SEPTIN2: variants seen among roughly 807,000 people sequenced by gnomAD.
SEPTIN2 encodes the protein septin 2.
In SEPTIN2, 34 loss-of-function variants were observed where a neutral mutation model predicts 46.5. The ratio of observed to expected loss-of-function variants is 0.73; its 90% CI spans 0.56 to 0.97. The LOEUF is 0.97. Among genes scored for constraint, SEPTIN2 ranks in the 50% least tolerant of loss-of-function variants. The pLI, the probability that SEPTIN2 is intolerant of heterozygous loss-of-function variation, is 0.00. For missense variants in SEPTIN2, 347 were observed against 448.4 expected (o/e 0.77, Z 2.04); for synonymous variants, 175 against 153.4 (o/e 1.14, Z -1.04).
intron 2 of SEPTIN2, 39 bp downstream of exon 2, chr2:241,324,280 A>G (rs750543286): frequency 1.9e-6 from 3 of 1,569,526 alleles, no homozygotes; most frequent in East Asian, 2.2e-5. Flanking sequence ...ATAAGGAGAA[A>G]TTGCTTTATG....
At chr2:241,339,043 A>G (rs1252396652) in intron 7 of SEPTIN2, among the ~76,000 whole-genome samples, 1 of 130,316 alleles carries the variant, frequency 7.7e-6, no homozygotes, top group African/African-American at 2.9e-5. Flanking sequence ...CATATTATAT[A>G]TACATTTTTA....
intron 4 of SEPTIN2, 188 bp downstream of exon 4, chr2:241,335,400 T>C: frequency 6.6e-7 from 1 of 1,505,058 alleles, no homozygotes; most frequent in Non-Finnish European, 9.1e-7. Context: ...AGACTTTCTT[T>C]GACACGTATC....
intron 5 of SEPTIN2, chr2:241,336,846 A>G (rs1399110536): frequency 2.3e-5 from 4 of 170,324 alleles, no homozygotes; most frequent in Middle Eastern, 5.1e-4. Flanking sequence ...CTGTAATCCC[A>G]GCACTTTGGG....
At chr2:241,344,321 G>A (rs188121792) in intron 9 of SEPTIN2, among the ~76,000 whole-genome samples, 1 of 152,268 alleles carries the variant, frequency 6.6e-6, no homozygotes, top group East Asian at 1.9e-4. Flanking sequence ...GAGACTCATT[G>A]TATGGCCCTG....
intron 7 of SEPTIN2, among the ~76,000 whole-genome samples, chr2:241,341,784 G>T (rs1189705779): frequency 6.6e-6 from 1 of 152,162 alleles, no homozygotes; most frequent in Non-Finnish European, 1.5e-5. Flanking sequence ...ACAGTTTGAG[G>T]TCGGGATATT....
At chr2:241,339,048 T>G (rs2080877621) in intron 7 of SEPTIN2, among the ~76,000 whole-genome samples, 1 of 131,486 alleles carries the variant, frequency 7.6e-6, no homozygotes, top group Non-Finnish European at 1.6e-5. Context: ...TATATATACA[T>G]TTTTATATAT....
intron 1 of SEPTIN2, chr2:241,316,808 C>T (rs2076375121): frequency 8.2e-6 from 3 of 364,522 alleles, no homozygotes; most frequent in South Asian, 8.9e-5. Context: ...AACTTCTGCA[C>T]CTTTGGCCAT....
Position 241,337,869 on chromosome 2 carries a change from G to T in SEPTIN2, c.594+79G>T. ...GATGAAGAAAGGAGTGTGTTCCCAC[G>T]CTCAGTCTGCTCAGGTGTCGGGAGG... On this transcript the variant is annotated intron_variant, in intron 7 of 12. Coordinates refer to ENST00000391971, the MANE Select transcript of SEPTIN2 (RefSeq NM_004404.5). The T allele has an allele frequency of 9.6e-6, 9 of 935,012 alleles. No individual in the cohort carries two copies. In the South Asian group the frequency reaches 1.3e-4, roughly 14 times the overall value. 57.9% of individuals were successfully genotyped at this position (935,012 alleles called of 1,614,324 possible). A position where few individuals can be genotyped will look rare whatever the true frequency, so the allele number is the denominator to read the frequency against.
chr2:241,335,914 AACGTGAGCTTTCCTCTTC>A (rs771351374), intron 4 of SEPTIN2, 43 bp from the exon 5 acceptor site: 9 of 1,612,268 alleles, frequency 5.6e-6, no homozygotes, highest in Non-Finnish European at 5.9e-6. Context: ...CTGTCGTAAG[AACGTGAGCTTTCCTCTTC>A]ACATGCTGCT....
At position 241,350,139 on chromosome 2, in the gene SEPTIN2, G is replaced by T; in HGVS notation, c.1051G>T (p.Asp351Tyr). 1 of 1,614,034 alleles carries T rather than the reference G, an allele frequency of 6.2e-7. No individual in the cohort carries two copies. The highest frequency in any genetic ancestry group is 8.5e-7 in the Non-Finnish European group (1 of 1,179,952). ...GATGCAGATGCAGATGCAGGGCGGG[G>T]ATGGCGATGGCGGGGCTCTCGGGCA... ...AQMQMQMQGG[D>Y]GDGGALGHHV The change falls in exon 12 of 13, where the codon GAT (aspartate) becomes TAT (tyrosine). Residue 351 changes from aspartate (D) to tyrosine (Y), a missense_variant. Physicochemically the swap from Asp to Tyr is radical, Grantham distance 160. Transcript: ENST00000391971.
At chr2:241,328,286 C>T (rs1170329065) in intron 3 of SEPTIN2, among the ~76,000 whole-genome samples, 1 of 151,864 alleles carries the variant, frequency 6.6e-6, no homozygotes, top group Non-Finnish European at 1.5e-5. Flanking sequence ...AATACAAAAA[C>T]CTGGGCGTGG....
chr2:241,326,576 C>T (rs1311297258), intron 3 of SEPTIN2, among the ~76,000 whole-genome samples: 1 of 68,460 alleles, frequency 1.5e-5, no homozygotes, highest in African/African-American at 5.3e-5. Context: ...TAGGGTTTTA[C>T]CTGTGTAGCC....
chr2:241,321,995 A>G (rs549329812), intron 1 of SEPTIN2, among the ~76,000 whole-genome samples: 1 of 152,152 alleles, frequency 6.6e-6, no homozygotes, highest in Non-Finnish European at 1.5e-5. Flanking sequence ...CTGAAATTAA[A>G]GGCTCTTGAA....
intron 3 of SEPTIN2, among the ~76,000 whole-genome samples, chr2:241,332,540 C>A (rs151103883): frequency 2.0e-5 from 3 of 152,318 alleles, no homozygotes; most frequent in Non-Finnish European, 4.4e-5. Context: ...GGAACTCTTA[C>A]TAGTGAGCAT....
intron 8 of SEPTIN2, 107 bp from the exon 9 acceptor site, chr2:241,343,645 T>G: frequency 7.9e-7 from 1 of 1,270,276 alleles, no homozygotes; most frequent in Non-Finnish European, 1.1e-6. Flanking sequence ...CCAATTCAGT[T>G]TTGTAGTCAA....
At chr2:241,324,036 T>G (rs1169413096) in intron 1 of SEPTIN2, 180 bp from the exon 2 acceptor site, 1 of 576,606 alleles carries the variant, frequency 1.7e-6, no homozygotes, top group African/African-American at 1.9e-5. Context: ...CAGCTGTCAG[T>G]GCTTAACTTT....
At chr2:241,333,499 A>C (rs949080098) in intron 3 of SEPTIN2, among the ~76,000 whole-genome samples, 1 of 152,028 alleles carries the variant, frequency 6.6e-6, no homozygotes, top group African/African-American at 2.4e-5. Context: ...GTATGTCTGC[A>C]TGTTTCTTTT....
At chr2:241,329,824 A>AG (rs2078685390) in intron 3 of SEPTIN2, among the ~76,000 whole-genome samples, 1 of 152,214 alleles carries the variant, frequency 6.6e-6, no homozygotes, top group Non-Finnish European at 1.5e-5. Context: ...CAAAGGAAGG[A>AG]GGAATGTTGA....
At chr2:241,321,110 A>C (rs1238360659) in intron 1 of SEPTIN2, among the ~76,000 whole-genome samples, 1 of 152,144 alleles carries the variant, frequency 6.6e-6, no homozygotes, top group Admixed American at 6.5e-5. Flanking sequence ...TAGATACATG[A>C]CTTCAAACAT....
Sources: gnomAD v4.1 joint callset for allele counts (sites outside exome capture counted in the v4.1 genomes callset) on GRCh38, gnomAD v4.1.1 for gene constraint, MANE v1.5 for transcripts, NCBI Gene and HGNC (gene_info 2026-07-23, HGNC 2026-07-21) for gene names.